The following TENT2 variants were observed in gnomAD, a reference collection of about 807,000 sequenced individuals.
TENT2 encodes the protein terminal nucleotidyltransferase 2.
In TENT2, 44 loss-of-function variants were observed where a neutral mutation model predicts 72.2. The ratio of observed to expected loss-of-function variants is 0.61; its 90% CI spans 0.48 to 0.78. The LOEUF (loss-of-function observed/expected upper bound fraction) is 0.78. Among genes scored for constraint, TENT2 ranks in the 30% least tolerant of loss-of-function variants. The pLI is 0.00. For synonymous variants in TENT2, 212 were observed against 192.5 expected (o/e 1.10, Z -0.84); for missense variants, 541 against 569.6 (o/e 0.95, Z 0.51).
At chr5:79,616,376 AT>A (rs1411389011) in intron 1 of TENT2, among the ~76,000 whole-genome samples, 1 of 149,546 alleles carries the variant, frequency 6.7e-6, no homozygotes, top group African/African-American at 2.5e-5. Context: ...TTTTTTTTGT[AT>A]TTAGTAGGGA....
intron 14 of TENT2, 67 bp from the exon 15 acceptor site, chr5:79,685,132 T>C: frequency 1.7e-6 from 2 of 1,169,214 alleles, no homozygotes; most frequent in Non-Finnish European, 2.5e-6. Flanking sequence ...TAACATTCTT[T>C]TAAACTCTCA....
At position 79,668,876 on chromosome 5, in the gene TENT2, T is replaced by G. The variant is rs1810618336; in HGVS notation, c.1072-16T>G. The G allele has an allele frequency of 6.3e-7, 1 of 1,597,260 alleles. No homozygotes were observed. The highest frequency in any genetic ancestry group is 8.5e-7 in the Non-Finnish European group (1 of 1,172,268). On this transcript the variant is annotated splice_polypyrimidine_tract_variant and intron_variant, in intron 11 of 14. Transcript: ENST00000453514. ...TTAAATGGCTTTACATTTTTTCCCCTTCTTCTTTTTGACAGGAGTCTTTTA... is the reference window on the plus strand; with the variant it reads ...TTAAATGGCTTTACATTTTTTCCCCGTCTTCTTTTTGACAGGAGTCTTTTA...
intron 1 of TENT2, among the ~76,000 whole-genome samples, chr5:79,613,609 T>G (rs983774691): frequency 6.6e-6 from 1 of 152,198 alleles, no homozygotes; most frequent in African/African-American, 2.4e-5. Context: ...CGTTACTTTG[T>G]TGGTGTGAAT....
chr5:79,649,178 C>T lies in TENT2; in HGVS notation c.1015C>T (p.His339Tyr), dbSNP rs1203919085. 1.2e-6 allele frequency: 2 copies of T among 1,612,754 alleles called. No homozygotes were observed. The highest frequency in any genetic ancestry group is 1.7e-6 in the Non-Finnish European group (2 of 1,179,208). Residue 339 changes from histidine (H) to tyrosine (Y), a missense_variant, in exon 10 of 15, where the codon CAC becomes TAC. Coordinates refer to ENST00000453514, the MANE Select transcript of TENT2 (RefSeq NM_001114394.3). ...SSYSLVLMVL[H>Y]YLQTLPEPIL... The stretch of plus-strand genomic sequence containing the variant: ...CTATAGTCTTGTATTGATGGTTTTG[C>T]ACTATTTACAAAGTAAGTATAATGG...
In TENT2 at chr5:79,688,081, G is replaced by A. The variant is rs1561620301; in HGVS notation, c.*2808G>A. Among the ~76,000 whole-genome samples, 1 of 152,154 alleles carries A rather than the reference G, an allele frequency of 6.6e-6. No individual in the cohort carries two copies. Among genetic ancestry groups the A allele is most frequent in the Non-Finnish European group, 1.5e-5 (1 of 68,028 alleles). ...TTTCCCTCCTTATGCCCCACTAGCTGATGTATCTGTACTGTAATTCAATGA... is the reference window on the plus strand; with the variant it reads ...TTTCCCTCCTTATGCCCCACTAGCTAATGTATCTGTACTGTAATTCAATGA... On this transcript the variant is annotated 3_prime_UTR_variant, in exon 15 of 15. Transcript: ENST00000453514.
At chr5:79,625,851 A>G (rs1232455473) in intron 4 of TENT2, among the ~76,000 whole-genome samples, 3 of 150,664 alleles carry the variant, frequency 2.0e-5, no homozygotes, top group African/African-American at 7.4e-5. Flanking sequence ...TTTTTTTGAT[A>G]TAGAGTCTAG....
chr5:79,616,592 A>G (rs1760280128), intron 1 of TENT2, among the ~76,000 whole-genome samples: 1 of 152,224 alleles, frequency 6.6e-6, no homozygotes, highest in African/African-American at 2.4e-5. Context: ...GATTACAGGC[A>G]TGAGCAACTG....
At position 79,612,865 on chromosome 5, in the gene TENT2, T is replaced by G. The variant is rs1184386433; in HGVS notation, c.-248T>G. ...TTTCCGAAACGGTAGCGTTTTGTTT[T>G]GCGTGGGAGGTTCCAGCAGTATCTC... On this transcript the variant is annotated 5_prime_UTR_variant, in exon 1 of 15. Coordinates refer to ENST00000453514, the MANE Select transcript of TENT2 (RefSeq NM_001114394.3). 6.6e-6 allele frequency: 1 copy of G among 152,412 alleles called. No individual in the cohort carries two copies. Among genetic ancestry groups the G allele is most frequent in the Non-Finnish European group, 1.5e-5 (1 of 68,244 alleles). 9.4% of individuals were successfully genotyped at this position (152,412 alleles called of 1,614,324 possible). A position where few individuals can be genotyped will look rare whatever the true frequency, so the allele number is the denominator to read the frequency against.
At position 79,626,558 on chromosome 5, in the gene TENT2, T is replaced by C. The variant is rs1770107552; in HGVS notation, c.465+3069T>C. 2.0e-5 allele frequency among the ~76,000 whole-genome samples: 3 copies of C among 151,962 alleles called. No homozygotes were observed. The South Asian group carries it at 6.2e-4, about 32-fold the overall frequency. The stretch of plus-strand genomic sequence containing the variant: ...TCCTGACCTCGTGATCCACCCTCCT[T>C]GGCCTCCCAAAGTGCTGGAATTACA... On this transcript the variant is annotated intron_variant, in intron 4 of 14. Transcript: ENST00000453514.
chr5:79,649,830 G>A (rs1301909579), intron 10 of TENT2, among the ~76,000 whole-genome samples: 1 of 152,094 alleles, frequency 6.6e-6, no homozygotes, highest in Non-Finnish European at 1.5e-5. Flanking sequence ...AGGACAGACT[G>A]ACTGGATCTA....
chr5:79,658,761 A>T lies in TENT2; in HGVS notation c.1071+1760A>T, dbSNP rs112390038. 8.8e-4 allele frequency among the ~76,000 whole-genome samples: 134 copies of T among 152,290 alleles called. 1 individual carries two copies. The highest frequency in any genetic ancestry group is 3.0e-3 in the African/African-American group (123 of 41,564). The stretch of plus-strand genomic sequence containing the variant: ...TTTTACTAATATAGGAGACTGGCGA[A>T]ATATCAGTGTACTGTGGTTGGGGTC... On this transcript the variant is annotated intron_variant, in intron 11 of 14. Coordinates refer to ENST00000453514, the MANE Select transcript of TENT2 (RefSeq NM_001114394.3).
intron 1 of TENT2, among the ~76,000 whole-genome samples, chr5:79,618,060 A>C (rs1303348564): frequency 6.6e-6 from 1 of 152,038 alleles, no homozygotes; most frequent in East Asian, 1.9e-4. Context: ...TTCTGTTACA[A>C]TGTTAGATCA....
At position 79,619,797 on chromosome 5, in the gene TENT2, G is replaced by A; in HGVS notation, c.137+12G>A. On this transcript the variant is annotated intron_variant, in intron 2 of 14. Coordinates refer to ENST00000453514, the MANE Select transcript of TENT2 (RefSeq NM_001114394.3). ...TTTCAGAATGCAGAGTGAGTATGGTGATATTTTGGCCCATGTTGTTGGTAA... is the reference window on the plus strand; with the variant it reads ...TTTCAGAATGCAGAGTGAGTATGGTAATATTTTGGCCCATGTTGTTGGTAA... 1 of 1,606,660 alleles carries A rather than the reference G, an allele frequency of 6.2e-7. No individual in the cohort carries two copies. The highest frequency in any genetic ancestry group is 1.3e-5 in the African/African-American group (1 of 74,792).
rs138982884 is a variant in TENT2, at chr5:79,642,796, A to G, written c.673-36A>G. 9.6e-4 allele frequency: 1,444 copies of G among 1,509,122 alleles called. 10 individuals are homozygous for G. In the African/African-American group the frequency reaches 0.014, roughly 15 times the overall value. The allele number at this position is 1,509,122 out of a possible 1,614,324, so 93.5% of individuals were successfully genotyped here. A position where few individuals can be genotyped will look rare whatever the true frequency, so the allele number is the denominator to read the frequency against. ...GGAAAATGAAACATTAAACTTAGAAAGATAATGAAAAAACACTTTATTTTT... is the reference window on the plus strand; with the variant it reads ...GGAAAATGAAACATTAAACTTAGAAGGATAATGAAAAAACACTTTATTTTT... On this transcript the variant is annotated intron_variant, in intron 6 of 14. Coordinates refer to ENST00000453514, the MANE Select transcript of TENT2 (RefSeq NM_001114394.3).
chr5:79,618,997 T>C (rs912087464), intron 1 of TENT2, among the ~76,000 whole-genome samples: 18 of 152,320 alleles, frequency 1.2e-4, no homozygotes, highest in Middle Eastern at 3.4e-3. Flanking sequence ...AGCCTTGATA[T>C]ATTGGTCACT....
intron 11 of TENT2, 31 bp downstream of exon 11, chr5:79,657,032 AT>A: frequency 1.4e-6 from 2 of 1,423,880 alleles, no homozygotes; most frequent in Non-Finnish European, 2.0e-6. Flanking sequence ...ATTATAATAC[AT>A]TTTATGTCAA....
rs1455080897 is a variant in TENT2 at position 79,686,445 on chromosome 5, A to T, written c.*1172A>T. 2 of 152,080 alleles carry T rather than the reference A, an allele frequency of 1.3e-5. No homozygotes were observed. Among genetic ancestry groups the T allele is most frequent in the African/African-American group, 4.8e-5 (2 of 41,416 alleles). 9.4% of individuals were successfully genotyped at this position (152,080 alleles called of 1,614,324 possible). Reference sequence around the variant, plus strand: ...AAAAGTAACCTTGAAAACAGTTTTAACTTTTTCAAAAGAACTATGTCCAAC... The same window carrying T: ...AAAAGTAACCTTGAAAACAGTTTTATCTTTTTCAAAAGAACTATGTCCAAC... On this transcript the variant is annotated 3_prime_UTR_variant, in exon 15 of 15. Coordinates refer to ENST00000453514, the MANE Select transcript of TENT2 (RefSeq NM_001114394.3).
Position 79,625,971 on chromosome 5 carries a change from G to A in TENT2, c.465+2482G>A, listed in dbSNP as rs1013117122. Among the ~76,000 whole-genome samples, 5 of 151,970 alleles carry A rather than the reference G, an allele frequency of 3.3e-5. No individual in the cohort carries two copies. In the South Asian group the frequency reaches 1.0e-3, roughly 32 times the overall value. ...CGCCTCCTGAGTAGCTGGGATTACA[G>A]GTGTGTGCCACCACGTCTGGCTAAT... On this transcript the variant is annotated intron_variant, in intron 4 of 14. Transcript: ENST00000453514.
At position 79,686,732 on chromosome 5, in the gene TENT2, CTTA is replaced by C. The variant is rs896404025; in HGVS notation, c.*1463_*1465del. ...ATCATCTAGAACTGAACTAAATCTACTTATTAGCCAGCTAACGACATCAATATC... is the reference window on the plus strand; with the variant it reads ...ATCATCTAGAACTGAACTAAATCTACTTAGCCAGCTAACGACATCAATATC... On this transcript the variant is annotated 3_prime_UTR_variant, in exon 15 of 15. Coordinates refer to ENST00000453514, the MANE Select transcript of TENT2 (RefSeq NM_001114394.3). 6.5e-4 allele frequency: 99 copies of C among 152,184 alleles called. No individual in the cohort carries two copies. Among genetic ancestry groups the C allele is most frequent in the African/African-American group, 2.2e-3 (91 of 41,540 alleles). The allele number at this position is 152,184 out of a possible 1,614,324, so 9.4% of individuals were successfully genotyped here.
Sources: gnomAD v4.1 joint callset for allele counts (sites outside exome capture counted in the v4.1 genomes callset) on GRCh38, gnomAD v4.1.1 for gene constraint, MANE v1.5 for transcripts, NCBI Gene and HGNC (gene_info 2026-07-23, HGNC 2026-07-21) for gene names.